The following PDZD2 variants were observed in gnomAD, a reference collection of about 807,000 sequenced individuals.
PDZD2 encodes the protein PDZ domain containing 2.
In PDZD2, 90 loss-of-function variants were observed where a neutral mutation model predicts 220.7. The observed-to-expected ratio is 0.41, with a 90% CI of 0.34 to 0.49. The LOEUF is 0.49. Ranked by LOEUF, PDZD2 falls within the 20% of genes least tolerant of loss-of-function variation. PDZD2 has a pLI of 0.28. For missense variants in PDZD2, 3,174 were observed against 3,608.5 expected (o/e 0.88, Z 3.08); for synonymous variants, 1,375 against 1,450.5 (o/e 0.95, Z 1.18).
intron 3 of PDZD2, among the ~76,000 whole-genome samples, chr5:31,988,767 G>A (rs1750930406): frequency 6.6e-6 from 1 of 152,124 alleles, no homozygotes; most frequent in African/African-American, 2.4e-5. Context: ...ACCATACTTA[G>A]TGTCACCTCT....
intron 10 of PDZD2, 67 bp from the exon 11 acceptor site, chr5:32,057,588 G>T: frequency 2.2e-6 from 2 of 909,018 alleles, no homozygotes; most frequent in South Asian, 2.9e-5. Flanking sequence ...AAATAAGTCT[G>T]ACTGAGCAGT....
intron 1 of PDZD2, among the ~76,000 whole-genome samples, chr5:31,649,673 G>A (rs950438285): frequency 6.6e-6 from 1 of 152,078 alleles, no homozygotes; most frequent in Non-Finnish European, 1.5e-5. Flanking sequence ...GGCAGCGCAT[G>A]CCTGTAATCC....
chr5:31,944,076 C>T (rs911914812), intron 2 of PDZD2, among the ~76,000 whole-genome samples: 1 of 152,216 alleles, frequency 6.6e-6, no homozygotes, highest in Non-Finnish European at 1.5e-5. Context: ...TTCAGTGTAA[C>T]AAGCACATGC....
intron 2 of PDZD2, among the ~76,000 whole-genome samples, chr5:31,869,997 T>TA (rs1243427413): frequency 6.6e-6 from 1 of 152,028 alleles, no homozygotes; most frequent in Admixed American, 6.6e-5. Flanking sequence ...AATTATTTTT[T>TA]AAAAAAGAAG....
intron 6 of PDZD2, among the ~76,000 whole-genome samples, chr5:32,013,307 ATCTC>A (rs1561348087): frequency 1.4e-5 from 2 of 146,952 alleles, no homozygotes; most frequent in South Asian, 2.1e-4. Flanking sequence ...TTGCTCCTAT[ATCTC>A]TCTGTGTTAT....
chr5:31,756,767 C>T, intron 1 of PDZD2, among the ~76,000 whole-genome samples: 1 of 152,246 alleles, frequency 6.6e-6, no homozygotes, highest in South Asian at 2.1e-4. Context: ...GACACCTGCA[C>T]TGCCTTACAT....
At chr5:32,036,392 T>G (rs1249231706) in intron 6 of PDZD2, among the ~76,000 whole-genome samples, 3 of 152,246 alleles carry the variant, frequency 2.0e-5, no homozygotes, top group African/African-American at 7.2e-5. Flanking sequence ...GAAGATTTAT[T>G]GTTTGATGTA....
At position 32,089,310 on chromosome 5, in the gene PDZD2, C is replaced by G. The variant is rs1742843351; in HGVS notation, c.5862C>G (p.Pro1954=). Residue 1954 remains proline (P), a synonymous_variant, in exon 20 of 25, where the codon CCC becomes CCG. Coordinates refer to ENST00000438447, the MANE Select transcript of PDZD2 (RefSeq NM_178140.4). Reference sequence around the variant, plus strand: ...ACACCACAGCTGCCCCCAGGTCCCCCCAGTGTGTGCTGGAAAGCAAGCCAC... The same window carrying G: ...ACACCACAGCTGCCCCCAGGTCCCCGCAGTGTGTGCTGGAAAGCAAGCCAC... ...DRNTTAAPRS[P]QCVLESKPPL... 6.2e-7 allele frequency: 1 copy of G among 1,614,044 alleles called. No individual in the cohort carries two copies. The highest frequency in any genetic ancestry group is 1.3e-5 in the African/African-American group (1 of 74,926).
chr5:31,888,733 A>G lies in PDZD2; in HGVS notation c.476+89009A>G, dbSNP rs192242527. On this transcript the variant is annotated intron_variant, in intron 2 of 24. Coordinates refer to ENST00000438447, the MANE Select transcript of PDZD2 (RefSeq NM_178140.4). ...ATGTAGTTTTTCTTAACACTAAATC[A>G]TTCCCTGAGAGAAGTCCGTAAGCTT... Among the ~76,000 whole-genome samples the G allele has an allele frequency of 1.9e-3, 297 of 152,314 alleles. 1 individual carries two copies. Among genetic ancestry groups the G allele is most frequent in the African/African-American group, 6.9e-3 (288 of 41,580 alleles).
At chr5:31,831,219 C>T (rs1160958356) in intron 2 of PDZD2, among the ~76,000 whole-genome samples, 1 of 152,242 alleles carries the variant, frequency 6.6e-6, no homozygotes, top group African/African-American at 2.4e-5. Context: ...GGCAGTGGCT[C>T]ACGCCTGTAA....
chr5:31,695,453 A>C (rs1005340091), intron 1 of PDZD2, among the ~76,000 whole-genome samples: 3 of 152,250 alleles, frequency 2.0e-5, no homozygotes, highest in African/African-American at 4.8e-5. Flanking sequence ...GCTCAGTTTC[A>C]CTTACTTCAG....
At chr5:31,651,617 A>ACTTG in intron 1 of PDZD2, among the ~76,000 whole-genome samples, 1 of 151,790 alleles carries the variant, frequency 6.6e-6, no homozygotes, top group South Asian at 2.1e-4. Context: ...GGATAGTTGG[A>ACTTG]CTTGCTTTAT....
intron 1 of PDZD2, among the ~76,000 whole-genome samples, chr5:31,788,932 A>G (rs938994070): frequency 6.6e-6 from 1 of 152,222 alleles, no homozygotes; most frequent in Non-Finnish European, 1.5e-5. Flanking sequence ...GCTAACTGGA[A>G]AAGTAGCAGG....
chr5:31,911,836 G>A (rs1164652350), intron 2 of PDZD2, among the ~76,000 whole-genome samples: 1 of 152,194 alleles, frequency 6.6e-6, no homozygotes, highest in Non-Finnish European at 1.5e-5. Flanking sequence ...ATGCTCCTCA[G>A]AAGGCCTGGA....
chr5:31,653,837 T>C (rs1026760486), intron 1 of PDZD2, among the ~76,000 whole-genome samples: 6 of 152,226 alleles, frequency 3.9e-5, no homozygotes, highest in South Asian at 2.1e-4. Context: ...CAGGCTGGAG[T>C]GCAGTGGCGC....
Position 31,933,545 on chromosome 5 carries a change from C to A in PDZD2, c.477-49610C>A, listed in dbSNP as rs111992207. Among the ~76,000 whole-genome samples, 159 of 152,208 alleles carry A rather than the reference C, an allele frequency of 1.0e-3. 1 individual carries two copies. Among genetic ancestry groups the A allele is most frequent in the African/African-American group, 3.7e-3 (153 of 41,544 alleles). On this transcript the variant is annotated intron_variant, in intron 2 of 24. Coordinates refer to ENST00000438447, the MANE Select transcript of PDZD2 (RefSeq NM_178140.4). ...TTTCTGTTTTAGCTTCTGGGAGAAT[C>A]TTAGGTGTGTCCCTAGGCTGGGCTT...
chr5:31,909,557 A>G (rs931809), intron 2 of PDZD2, among the ~76,000 whole-genome samples: 130,240 of 152,114 alleles, frequency 0.86, 56,558 homozygotes, highest in Non-Finnish European at 0.91. Flanking sequence ...TACATAATAA[A>G]CAAGAGCTAC....
chr5:32,016,741 C>T (rs763523768), intron 6 of PDZD2, among the ~76,000 whole-genome samples: 2 of 152,162 alleles, frequency 1.3e-5, no homozygotes, highest in Non-Finnish European at 2.9e-5. Flanking sequence ...TTTGGACTTC[C>T]ACTTGCTATT....
intron 1 of PDZD2, among the ~76,000 whole-genome samples, chr5:31,746,918 G>A (rs1020757088): frequency 1.3e-5 from 2 of 152,250 alleles, no homozygotes; most frequent in African/African-American, 2.4e-5. Flanking sequence ...GCTCACGCCT[G>A]TAATCTCAGC....
Sources: allele counts gnomAD v4.1 joint callset (sites outside exome capture counted in the v4.1 genomes callset), GRCh38; gene constraint gnomAD v4.1.1; transcripts MANE v1.5; gene names NCBI Gene and HGNC (gene_info 2026-07-23, HGNC 2026-07-21).